Variants in CDH13 observed in about 807,000 individuals in gnomAD.
CDH13 encodes cadherin-13.
CDH13 carries 24 observed loss-of-function variants against 63.8 expected under a neutral mutation model. The ratio of observed to expected loss-of-function variants is 0.38; its 90% confidence interval spans 0.27 to 0.53. The LOEUF is 0.53. Among genes scored for constraint, CDH13 ranks in the 20% least tolerant of loss-of-function variants. The pLI, the probability that CDH13 is intolerant of heterozygous loss-of-function variation, is 0.85. For synonymous variants in CDH13, 503 were observed against 355.3 expected (o/e 1.42, Z -4.67); for missense variants, 1,049 against 903.1 (o/e 1.16, Z -2.07).
chr16:83,653,719 T>G (rs975162786), intron 8 of CDH13, among the ~76,000 whole-genome samples: 1 of 152,206 alleles, frequency 6.6e-6, no homozygotes, highest in African/African-American at 2.4e-5. Context: ...TCTCTTACCC[T>G]GCTTTATTTT....
chr16:83,202,845 T>C (rs570178493), intron 4 of CDH13, among the ~76,000 whole-genome samples: 3 of 150,886 alleles, frequency 2.0e-5, no homozygotes, highest in South Asian at 2.1e-4. Flanking sequence ...GAGATAAACA[T>C]TGAGTACACA....
At chr16:83,564,514 T>C (rs1363300545) in intron 7 of CDH13, among the ~76,000 whole-genome samples, 1 of 151,524 alleles carries the variant, frequency 6.6e-6, no homozygotes, top group African/African-American at 2.4e-5. Context: ...GTTCAAGTGA[T>C]TCTCCTGCCT....
Position 83,650,777 on chromosome 16 carries a change from G to A in CDH13, c.1102-20013G>A, listed in dbSNP as rs541713386. 7.5e-3 allele frequency among the ~76,000 whole-genome samples: 1,144 copies of A among 152,194 alleles called. 8 individuals carry two copies. The highest frequency in any genetic ancestry group is 0.034 in the Middle Eastern group (10 of 294). On this transcript the variant is annotated intron_variant, in intron 8 of 13. Coordinates refer to ENST00000567109, the MANE Select transcript of CDH13 (RefSeq NM_001257.5). ...TAGGATTACGATTAGATTACAATTC[G>A]AAAAGAAAAAGCAGGGTGGATTCGG...
chr16:82,696,486 G>A (rs944030310), intron 1 of CDH13, among the ~76,000 whole-genome samples: 1 of 152,222 alleles, frequency 6.6e-6, no homozygotes, highest in Non-Finnish European at 1.5e-5. Context: ...ATGAATGACA[G>A]CTTTGCAGTT....
chr16:83,701,730 G>A (rs1333615179), intron 10 of CDH13, among the ~76,000 whole-genome samples: 5 of 152,078 alleles, frequency 3.3e-5, no homozygotes, highest in Non-Finnish European at 5.9e-5. Context: ...TCAGCACCAC[G>A]GTCAGCACCC....
At chr16:83,766,984 C>G (rs1488460238) in intron 11 of CDH13, among the ~76,000 whole-genome samples, 4 of 152,122 alleles carry the variant, frequency 2.6e-5, no homozygotes. Context: ...TGAGGCCTCC[C>G]CAGCAACTCG....
At chr16:82,678,280 C>T (rs6565058) in intron 1 of CDH13, among the ~76,000 whole-genome samples, 46,800 of 150,188 alleles carry the variant, frequency 0.31, 9,282 homozygotes, top group East Asian at 0.69. Context: ...CTTTTCTTAA[C>T]GTTGGTTTAA....
chr16:83,664,864 A>AGCAAAT (rs1913788302), intron 8 of CDH13, among the ~76,000 whole-genome samples: 1 of 152,256 alleles, frequency 6.6e-6, no homozygotes, highest in African/African-American at 2.4e-5. Context: ...ATTGTCAGAT[A>AGCAAAT]TGTTGTAGAT....
intron 5 of CDH13, among the ~76,000 whole-genome samples, chr16:83,312,734 T>G (rs1171708055): frequency 6.6e-6 from 1 of 152,124 alleles, no homozygotes; most frequent in Non-Finnish European, 1.5e-5. Flanking sequence ...ACCATGTAAT[T>G]ACATAAAATA....
At chr16:82,983,643 T>G (rs1910572865) in intron 2 of CDH13, among the ~76,000 whole-genome samples, 1 of 152,214 alleles carries the variant, frequency 6.6e-6, no homozygotes, top group African/African-American at 2.4e-5. Context: ...GATGTCACAC[T>G]TGACATAAAT....
At chr16:82,922,641 A>G (rs2042191328) in intron 2 of CDH13, among the ~76,000 whole-genome samples, 1 of 152,196 alleles carries the variant, frequency 6.6e-6, no homozygotes. Flanking sequence ...CTGGAGAGAA[A>G]AGCTCACAGA....
chr16:83,359,523 G>C (rs1259877434), intron 6 of CDH13, among the ~76,000 whole-genome samples: 2 of 152,148 alleles, frequency 1.3e-5, no homozygotes, highest in African/African-American at 2.4e-5. Context: ...CTGAATTCTA[G>C]TCCTGGCTCC....
chr16:83,470,437 A>G (rs551883167), intron 6 of CDH13, among the ~76,000 whole-genome samples: 42 of 152,318 alleles, frequency 2.8e-4, no homozygotes, highest in Middle Eastern at 3.4e-3. Context: ...TGCATAGGCC[A>G]TAGTGGAAGC....
rs117073133 is a variant in CDH13 at position 82,688,506 on chromosome 16, C to G, written c.45+61369C>G. Reference sequence around the variant, plus strand: ...TCTATCAAAGCAGAATTCATGTTCTCTGGTTGCATTTTCCATCAATGGAGA... The same window carrying G: ...TCTATCAAAGCAGAATTCATGTTCTGTGGTTGCATTTTCCATCAATGGAGA... On this transcript the variant is annotated intron_variant, in intron 1 of 13. Coordinates refer to ENST00000567109, the MANE Select transcript of CDH13 (RefSeq NM_001257.5). Among the ~76,000 whole-genome samples, 1,245 of 152,300 alleles carry G rather than the reference C, an allele frequency of 8.2e-3. 9 individuals carry two copies. Among genetic ancestry groups the G allele is most frequent in the Admixed American group, 0.013 (204 of 15,294 alleles).
At chr16:82,900,876 T>C (rs937815550) in intron 2 of CDH13, among the ~76,000 whole-genome samples, 1 of 152,194 alleles carries the variant, frequency 6.6e-6, no homozygotes, top group African/African-American at 2.4e-5. Context: ...TCAGAATTAA[T>C]TGTTAGGATT....
chr16:83,503,080 C>T (rs1272207117), intron 7 of CDH13, among the ~76,000 whole-genome samples: 1 of 152,158 alleles, frequency 6.6e-6, no homozygotes, highest in East Asian at 1.9e-4. Flanking sequence ...CTCCTTGCCT[C>T]CTAGATCTGT....
At chr16:83,512,628 A>G (rs1356445580) in intron 7 of CDH13, among the ~76,000 whole-genome samples, 1 of 150,836 alleles carries the variant, frequency 6.6e-6, no homozygotes, top group Non-Finnish European at 1.5e-5. Flanking sequence ...AGATCATGCC[A>G]CTGCACTCCA....
chr16:83,609,890 C>G (rs933421176), intron 8 of CDH13, among the ~76,000 whole-genome samples: 26 of 152,044 alleles, frequency 1.7e-4, no homozygotes, highest in Non-Finnish European at 2.6e-4. Flanking sequence ...GCCCATTCCC[C>G]CACGCTGGCC....
At chr16:83,777,811 A>G (rs567393262) in intron 11 of CDH13, among the ~76,000 whole-genome samples, 1 of 152,380 alleles carries the variant, frequency 6.6e-6, no homozygotes, top group East Asian at 1.9e-4. Context: ...GTTTCAAAAC[A>G]TAAATATAGT....
Sources: allele counts gnomAD v4.1 joint callset (sites outside exome capture counted in the v4.1 genomes callset), GRCh38; gene constraint gnomAD v4.1.1; transcripts MANE v1.5; gene names NCBI Gene and HGNC (gene_info 2026-07-23, HGNC 2026-07-21).